UGT3A1: variants seen among roughly 807,000 people sequenced by gnomAD.
UGT3A1 encodes the protein UDP glycosyltransferase family 3 member A1.
A neutral mutation model predicts 37.6 loss-of-function variants in UGT3A1; 40 were observed. That is an observed-to-expected ratio of 1.06 (90% CI 0.83 to 1.38). The LOEUF is 1.38. Among genes scored for constraint, UGT3A1 ranks in the 40% most tolerant of loss-of-function variants. The probability of loss-of-function intolerance (pLI) is 0.00; values close to 1 mark genes in which losing one functional copy is unlikely to be tolerated. For synonymous variants in UGT3A1, 256 were observed against 232.3 expected (o/e 1.10, Z -0.93); for missense variants, 642 against 634.2 (o/e 1.01, Z -0.13).
chr5:35,972,375 A>G (rs924350619), intron 2 of UGT3A1, among the ~76,000 whole-genome samples: 1 of 152,122 alleles, frequency 6.6e-6, no homozygotes, highest in Non-Finnish European at 1.5e-5. Context: ...AGGAAAAAAA[A>G]AATTCTGCTT....
intron 1 of UGT3A1, among the ~76,000 whole-genome samples, chr5:35,998,857 A>G (rs1741154870): frequency 6.6e-6 from 1 of 152,174 alleles, no homozygotes; most frequent in African/African-American, 2.4e-5. Context: ...TCAAACATTT[A>G]CATTGACAGA....
At chr5:35,961,482 A>G (rs1739581596) in intron 4 of UGT3A1, 3 of 152,262 alleles carry the variant, frequency 2.0e-5, no homozygotes, top group Non-Finnish European at 4.4e-5. Context: ...AGAAATAACA[A>G]GTGAAAATAC....
chr5:35,991,006 C>A, intron 1 of UGT3A1, 141 bp downstream of exon 1: 1 of 1,585,060 alleles, frequency 6.3e-7, no homozygotes, highest in South Asian at 1.2e-5. Flanking sequence ...GCTAGATGGG[C>A]TTCTCCCTCC....
intron 2 of UGT3A1, among the ~76,000 whole-genome samples, chr5:35,970,631 A>G (rs937978971): frequency 6.6e-6 from 1 of 152,146 alleles, no homozygotes; most frequent in African/African-American, 2.4e-5. Context: ...ACTAACAATT[A>G]AAAAACTAAC....
intron 1 of UGT3A1, among the ~76,000 whole-genome samples, chr5:36,000,803 C>A (rs1250527550): frequency 6.6e-6 from 1 of 152,212 alleles, no homozygotes; most frequent in Non-Finnish European, 1.5e-5. Flanking sequence ...CTTAAACTAT[C>A]TGATTTAATA....
chr5:35,977,962 T>C (rs747811501), intron 2 of UGT3A1, among the ~76,000 whole-genome samples: 7 of 152,270 alleles, frequency 4.6e-5, no homozygotes, highest in African/African-American at 7.2e-5. Context: ...GAAATATTCA[T>C]ATCCTAATTA....
chr5:35,985,763 G>A (rs1740705484), intron 2 of UGT3A1, among the ~76,000 whole-genome samples: 1 of 152,130 alleles, frequency 6.6e-6, no homozygotes, highest in Admixed American at 6.6e-5. Context: ...ACTAGAAGAA[G>A]ACATTGAGGA....
At chr5:35,973,088 A>T (rs557634611) in intron 2 of UGT3A1, among the ~76,000 whole-genome samples, 58 of 152,314 alleles carry the variant, frequency 3.8e-4, no homozygotes, top group African/African-American at 1.4e-3. Context: ...ATCTGGGGCT[A>T]TTGAACCCCT....
Position 35,977,116 on chromosome 5 carries a change from A to G in UGT3A1, c.197-8983T>C, listed in dbSNP as rs951935954. On this transcript the variant is annotated intron_variant, in intron 2 of 6. Transcript: ENST00000274278. Reference sequence around the variant, plus strand: ...AGAAAGAAAGAAAGAGAAAGAGAGAAAGAAAAGAAGGAAGGAAGGAAAGAA... The same window carrying G: ...AGAAAGAAAGAAAGAGAAAGAGAGAGAGAAAAGAAGGAAGGAAGGAAAGAA... 1.1e-3 allele frequency among the ~76,000 whole-genome samples: 150 copies of G among 132,980 alleles called. 6 individuals are homozygous for G. Among genetic ancestry groups the G allele is most frequent in the African/African-American group, 3.6e-3 (135 of 37,298 alleles). 87.2% of individuals were successfully genotyped at this position (132,980 alleles called of 152,430 possible). A position where few individuals can be genotyped will look rare whatever the true frequency, so the allele number is the denominator to read the frequency against.
At chr5:35,984,926 T>C (rs1481001489) in intron 2 of UGT3A1, among the ~76,000 whole-genome samples, 1 of 152,066 alleles carries the variant, frequency 6.6e-6, no homozygotes, top group Non-Finnish European at 1.5e-5. Flanking sequence ...CTAATGCTGC[T>C]TTAAGATATA....
At position 35,951,575 on chromosome 5, in the gene UGT3A1, T is replaced by A. The variant is rs1348535998; in HGVS notation, c.*2627A>T. On this transcript the variant is annotated 3_prime_UTR_variant, in exon 7 of 7. Transcript: ENST00000274278. ...TAGGTTCTTTCTTCAATTTTAATAG[T>A]TCTTAGTTTATCAGAAATATTAGGT... The A allele has an allele frequency of 6.6e-6, 1 of 152,220 alleles. No individual in the cohort carries two copies. Among genetic ancestry groups the A allele is most frequent in the African/African-American group, 2.4e-5 (1 of 41,466 alleles). 9.4% of individuals were successfully genotyped at this position (152,220 alleles called of 1,614,324 possible).
rs1490016199 is a variant in UGT3A1 at position 35,965,607 on chromosome 5, A to G, written c.622T>C (p.Phe208Leu). 3 of 1,614,094 alleles carry G rather than the reference A, an allele frequency of 1.9e-6. No individual in the cohort carries two copies. Among genetic ancestry groups the G allele is most frequent in the Non-Finnish European group, 2.5e-6 (3 of 1,180,056 alleles). The change falls in exon 4 of 7, where the codon TTT (phenylalanine) becomes CTT (leucine). Residue 208 changes from phenylalanine (F) to leucine (L), a missense_variant. Coordinates refer to ENST00000274278, the MANE Select transcript of UGT3A1 (RefSeq NM_152404.4). ...TCCCATTGGCTCCTGGAGAAACTAA[A>G]GAACATCAGAAAATTCTTCACTCGG... ...WGRVKNFLMF[F>L]SFSRSQWDMQ...
upstream of UGT3A1, chr5:35,991,454 A>T: frequency 7.2e-7 from 1 of 1,392,882 alleles, no homozygotes; most frequent in Non-Finnish European, 9.3e-7. Context: ...ATCTGCCCTC[A>T]CCCTATCAAA....
At chr5:35,991,392 T>G, upstream of UGT3A1, 1 of 1,465,074 alleles carries the variant, frequency 6.8e-7, no homozygotes, top group Non-Finnish European at 9.0e-7. Context: ...CGCCCTTCTG[T>G]TCGTTCTCTT....
intron 4 of UGT3A1, among the ~76,000 whole-genome samples, chr5:35,959,083 G>A (rs1739474680): frequency 6.6e-6 from 1 of 152,156 alleles, no homozygotes. Context: ...GGAAATTAAG[G>A]CATTCAAAAA....
In UGT3A1 at chr5:35,997,975, C is replaced by T. The variant is rs140393728; in HGVS notation, c.-159-646G>A. 4.1e-3 allele frequency among the ~76,000 whole-genome samples: 620 copies of T among 152,264 alleles called. 3 individuals carry two copies. The highest frequency in any genetic ancestry group is 7.3e-3 in the Non-Finnish European group (496 of 68,018). On this transcript the variant is annotated intron_variant, in intron 1 of 5. Transcript: ENST00000625798. ...CAGTGTAAGAGGAATTTCAGCTTTC[C>T]CCATGCCTGTCACTAAGAAACAACT...
chr5:35,980,880 A>C (rs972804427), intron 2 of UGT3A1, among the ~76,000 whole-genome samples: 3 of 152,222 alleles, frequency 2.0e-5, no homozygotes, highest in Admixed American at 1.3e-4. Context: ...ACCACTTATA[A>C]AGAGAAAAGC....
chr5:35,970,582 C>T (rs1739997525), intron 2 of UGT3A1, among the ~76,000 whole-genome samples: 4 of 152,090 alleles, frequency 2.6e-5, no homozygotes, highest in African/African-American at 9.7e-5. Flanking sequence ...GACTCATTTC[C>T]TAAAATATTC....
chr5:35,986,931 C>A (rs1165487113), intron 2 of UGT3A1, among the ~76,000 whole-genome samples: 2 of 151,906 alleles, frequency 1.3e-5, no homozygotes, highest in African/African-American at 4.8e-5. Flanking sequence ...ATCACATGCA[C>A]CCTGAAAATA....
Sources: allele counts gnomAD v4.1 joint callset (sites outside exome capture counted in the v4.1 genomes callset), GRCh38; gene constraint gnomAD v4.1.1; transcripts MANE v1.5; gene names NCBI Gene and HGNC (gene_info 2026-07-23, HGNC 2026-07-21).